The following PGBD2 variants were observed in gnomAD, a reference collection of about 807,000 sequenced individuals.
The protein encoded by PGBD2 is piggyBac transposable element derived 2, also known as piggyBac transposable element-derived protein 2.
Under a neutral mutation model 8.1 loss-of-function variants are expected in PGBD2, and 6 were observed. The ratio of observed to expected loss-of-function variants is 0.74; its 90% CI spans 0.40 to 1.46. PGBD2 has a LOEUF of 1.46. Among genes scored for constraint, PGBD2 ranks in the 40% most tolerant of loss-of-function variants. The probability of loss-of-function intolerance (pLI) is 0.02; values close to 1 mark genes in which losing one functional copy is unlikely to be tolerated. For missense variants in PGBD2, 802 were observed against 739.0 expected, an observed-to-expected ratio of 1.09 and a Z score of -0.99; for synonymous variants, 318 against 272.2, an observed-to-expected ratio of 1.17 and a Z score of -1.66.
chr1:248,924,407 T>C (rs1662345524), downstream of PGBD2, among the ~76,000 whole-genome samples: 1 of 152,242 alleles, frequency 6.6e-6, no homozygotes, highest in Non-Finnish European at 1.5e-5. Flanking sequence ...GCCAATTAAC[T>C]TGTATCTACA....
At chr1:248,905,261 G>A (rs530574598), upstream of PGBD2, among the ~76,000 whole-genome samples, 3 of 151,914 alleles carry the variant, frequency 2.0e-5, no homozygotes, top group African/African-American at 7.3e-5. Flanking sequence ...TGTCAGTGTG[G>A]AGAAGCAAAT....
the PGBD2 span, among the ~76,000 whole-genome samples, chr1:248,891,069 C>T: frequency 5.9e-5 from 9 of 152,264 alleles, no homozygotes; most frequent in Admixed American, 1.3e-4. Context: ...CACGCACTGA[C>T]GCATGCATGG....
chr1:248,884,212 C>T, the PGBD2 span, among the ~76,000 whole-genome samples: 1 of 152,088 alleles, frequency 6.6e-6, no homozygotes, highest in African/African-American at 2.4e-5. Flanking sequence ...TGAAAAAAAC[C>T]AAACTCTGTA....
chr1:248,924,815 C>T (rs113212370), downstream of PGBD2, among the ~76,000 whole-genome samples: 1,330 of 152,288 alleles, frequency 8.7e-3, 17 homozygotes, highest in African/African-American at 0.029. Flanking sequence ...CCACTGGCCC[C>T]GGCACTGGAG....
chr1:248,873,130 A>G, the PGBD2 span, among the ~76,000 whole-genome samples: 1 of 151,634 alleles, frequency 6.6e-6, no homozygotes, highest in Non-Finnish European at 1.5e-5. Context: ...CAACGAATGA[A>G]TGCCTGGACG....
In PGBD2 at chr1:248,913,884, G is replaced by C. The variant is rs367877673; in HGVS notation, c.17+5G>C. 1.1e-5 allele frequency: 18 copies of C among 1,608,062 alleles called. No individual in the cohort carries two copies. The highest frequency in any genetic ancestry group is 4.0e-5 in the African/African-American group (3 of 74,728). The stretch of plus-strand genomic sequence containing the variant: ...CATCATGGCTTCAACATCCAGGTAG[G>C]AGTGCTGTTTGATCAAATGTTTTAT... On this transcript the variant is annotated splice_donor_5th_base_variant and intron_variant, in intron 2 of 2. Transcript: ENST00000329291.
At chr1:248,898,803 C>T in the PGBD2 span, among the ~76,000 whole-genome samples, 1 of 151,890 alleles carries the variant, frequency 6.6e-6, no homozygotes, top group Non-Finnish European at 1.5e-5. Flanking sequence ...AATTAAAGGA[C>T]AAAAAATGGC....
chr1:248,875,202 A>C, the PGBD2 span, among the ~76,000 whole-genome samples: 1 of 150,568 alleles, frequency 6.6e-6, no homozygotes, highest in South Asian at 2.2e-4. Context: ...AGGCTGAGGC[A>C]GGAGAATGGC....
Position 248,906,340 on chromosome 1 carries a change from C to T in PGBD2, c.-50C>T, listed in dbSNP as rs964312484. On this transcript the variant is annotated splice_region_variant and 5_prime_UTR_variant, in exon 1 of 3. Coordinates refer to ENST00000329291, the MANE Select transcript of PGBD2 (RefSeq NM_170725.3). ...TCGCGAGTCTCCGTCTGGGGTAGGG[C>T]AGGTAGGCCTCAGTGTGCTCGCGCT... The T allele has an allele frequency of 6.6e-6, 1 of 151,994 alleles. No individual in the cohort carries two copies. The highest frequency in any genetic ancestry group is 6.6e-5 in the Admixed American group (1 of 15,266). The allele number at this position is 151,994 out of a possible 1,614,324, so 9.4% of individuals were successfully genotyped here. A position where few individuals can be genotyped will look rare whatever the true frequency, so the allele number is the denominator to read the frequency against.
At chr1:248,874,472 C>T in the PGBD2 span, among the ~76,000 whole-genome samples, 2 of 152,118 alleles carry the variant, frequency 1.3e-5, no homozygotes, top group Non-Finnish European at 2.9e-5. Flanking sequence ...GCAGTTTATG[C>T]GCGCCGTATA....
chr1:248,919,244 C>T (rs1157736373), downstream of PGBD2: 1 of 167,048 alleles, frequency 6.0e-6, no homozygotes, highest in African/African-American at 2.4e-5. Context: ...CCTAACTACC[C>T]TTTCCAAGCT....
chr1:248,877,039 T>C, the PGBD2 span, among the ~76,000 whole-genome samples: 1 of 152,210 alleles, frequency 6.6e-6, no homozygotes, highest in South Asian at 2.1e-4. Flanking sequence ...AAATCACATG[T>C]AATATTCACA....
At chr1:248,895,829 A>T in the PGBD2 span, among the ~76,000 whole-genome samples, 1 of 151,964 alleles carries the variant, frequency 6.6e-6, no homozygotes, top group Non-Finnish European at 1.5e-5. Context: ...CTGGGACTAC[A>T]GGCACGTGCC....
chr1:248,911,115 T>G (rs530625559), intron 1 of PGBD2, among the ~76,000 whole-genome samples: 1 of 151,142 alleles, frequency 6.6e-6, no homozygotes, highest in East Asian at 1.9e-4. Flanking sequence ...TTTTCTTTTC[T>G]TTTCTTTTTT....
chr1:248,885,989 C>G, the PGBD2 span, among the ~76,000 whole-genome samples: 1 of 152,052 alleles, frequency 6.6e-6, no homozygotes, highest in African/African-American at 2.4e-5. Flanking sequence ...GTTTACTCCT[C>G]AGTAATTTGT....
At chr1:248,873,661 T>C in the PGBD2 span, among the ~76,000 whole-genome samples, 1 of 152,154 alleles carries the variant, frequency 6.6e-6, no homozygotes, top group Admixed American at 6.5e-5. Context: ...ATTCCCGGCC[T>C]GGGAGAGCGC....
chr1:248,874,414 A>G, the PGBD2 span, among the ~76,000 whole-genome samples: 2 of 152,178 alleles, frequency 1.3e-5, no homozygotes. Flanking sequence ...GGCAAAACGC[A>G]CCTGGTGTCC....
Position 248,917,438 on chromosome 1 carries a change from A to C in PGBD2, c.854A>C (p.His285Pro). Residue 285 changes from histidine (H) to proline (P), a missense_variant, in exon 3 of 3, where the codon CAC (histidine) becomes CCC (proline). Physicochemically the swap from His to Pro is moderately conservative, Grantham distance 77. Coordinates refer to ENST00000329291, the MANE Select transcript of PGBD2 (RefSeq NM_170725.3). ...YFGHRGSKQL[H>P]RGKPVRLGYK... ...GGGCACCGGGGGTCCAAGCAGCTGC[A>C]CAGGGGGAAGCCTGTGCGACTTGGC... 1 of 1,614,122 alleles carries C rather than the reference A, an allele frequency of 6.2e-7. No individual in the cohort carries two copies. Among genetic ancestry groups the C allele is most frequent in the Non-Finnish European group, 8.5e-7 (1 of 1,180,016 alleles).
At chr1:248,902,188 G>T (rs1661545712), upstream of PGBD2, among the ~76,000 whole-genome samples, 1 of 151,242 alleles carries the variant, frequency 6.6e-6, no homozygotes, top group Non-Finnish European at 1.5e-5. Context: ...AGAATTGCTT[G>T]AACCCAGGAG....
Sources: gnomAD v4.1 joint callset for allele counts (sites outside exome capture counted in the v4.1 genomes callset) on GRCh38, gnomAD v4.1.1 for gene constraint, MANE v1.5 for transcripts, NCBI Gene and HGNC (gene_info 2026-07-23, HGNC 2026-07-21) for gene names.